The following DYNC1I1 variants were observed in gnomAD, a reference collection of about 807,000 sequenced individuals.
The protein encoded by DYNC1I1 is cytoplasmic dynein 1 intermediate chain 1.
DYNC1I1 carries 43 observed loss-of-function variants against 86.6 expected under a neutral mutation model. The observed-to-expected ratio is 0.50, with a 90% CI of 0.39 to 0.64. The LOEUF is 0.64. Ranked by LOEUF, DYNC1I1 falls within the 30% of genes least tolerant of loss-of-function variation. The pLI is 0.00. For missense variants in DYNC1I1, 604 were observed against 788.8 expected (o/e 0.77, Z 2.81); for synonymous variants, 262 against 283.7 (o/e 0.92, Z 0.77).
intron 6 of DYNC1I1, among the ~76,000 whole-genome samples, chr7:95,931,552 T>C (rs187909493): frequency 9.8e-5 from 15 of 152,350 alleles, no homozygotes; most frequent in African/African-American, 3.6e-4. Context: ...TAGATATTCC[T>C]TTCATCAGAC....
chr7:95,870,033 C>A (rs777564616), intron 6 of DYNC1I1, 35 bp downstream of exon 6: 2 of 1,560,982 alleles, frequency 1.3e-6, no homozygotes, highest in East Asian at 2.3e-5. Context: ...TCCATATTAT[C>A]TCTGGAGAAA....
At chr7:96,021,326 C>G (rs887289839) in intron 10 of DYNC1I1, among the ~76,000 whole-genome samples, 3 of 152,056 alleles carry the variant, frequency 2.0e-5, no homozygotes, top group African/African-American at 7.2e-5. Flanking sequence ...TGCCAATCCT[C>G]CCTTTCTACC....
At chr7:96,011,818 G>T (rs906342778) in intron 10 of DYNC1I1, among the ~76,000 whole-genome samples, 9 of 152,046 alleles carry the variant, frequency 5.9e-5, no homozygotes, top group Non-Finnish European at 1.2e-4. Context: ...ATGATACATT[G>T]GTATAACTGG....
chr7:96,004,646 G>GCA (rs34562315), intron 10 of DYNC1I1, among the ~76,000 whole-genome samples: 18,906 of 146,072 alleles, frequency 0.13, 1,253 homozygotes, highest in Middle Eastern at 0.19. Context: ...ATAAATGCAT[G>GCA]CACACACACA....
chr7:95,900,591 T>C (rs1242132184), intron 6 of DYNC1I1, among the ~76,000 whole-genome samples: 1 of 152,152 alleles, frequency 6.6e-6, no homozygotes, highest in South Asian at 2.1e-4. Flanking sequence ...GGTTGCCCCA[T>C]GGAAGTTATC....
intron 6 of DYNC1I1, among the ~76,000 whole-genome samples, chr7:95,906,759 T>C (rs1323505627): frequency 1.3e-5 from 2 of 152,134 alleles, no homozygotes; most frequent in Non-Finnish European, 2.9e-5. Context: ...GAAAGCCCCA[T>C]TATCAAGCAA....
At chr7:96,040,640 A>G (rs1185236201) in intron 14 of DYNC1I1, among the ~76,000 whole-genome samples, 3 of 152,056 alleles carry the variant, frequency 2.0e-5, no homozygotes, top group African/African-American at 7.2e-5. Context: ...GCAGTTTGAT[A>G]TGTGAGTCAG....
At chr7:95,953,794 T>C (rs1792624721) in intron 6 of DYNC1I1, among the ~76,000 whole-genome samples, 1 of 152,180 alleles carries the variant, frequency 6.6e-6, no homozygotes, top group South Asian at 2.1e-4. Context: ...AAGGCAAAGT[T>C]TGTGAAAAGC....
At chr7:96,084,888 A>G (rs556306304) in intron 16 of DYNC1I1, among the ~76,000 whole-genome samples, 1 of 152,270 alleles carries the variant, frequency 6.6e-6, no homozygotes, top group African/African-American at 2.4e-5. Flanking sequence ...AAAATATATT[A>G]ATAATATAAT....
At chr7:95,822,833 T>A (rs1261600794) in intron 4 of DYNC1I1, among the ~76,000 whole-genome samples, 2 of 152,176 alleles carry the variant, frequency 1.3e-5, no homozygotes, top group Non-Finnish European at 2.9e-5. Flanking sequence ...CTGACATAGT[T>A]AAAGAAAGAT....
At chr7:95,892,488 T>C (rs767097530) in intron 6 of DYNC1I1, among the ~76,000 whole-genome samples, 11 of 152,194 alleles carry the variant, frequency 7.2e-5, no homozygotes, top group Non-Finnish European at 1.3e-4. Flanking sequence ...TTTTTTTGTA[T>C]TTTTAGTAGA....
intron 10 of DYNC1I1, among the ~76,000 whole-genome samples, chr7:96,024,663 T>A (rs1794633990): frequency 6.6e-6 from 1 of 152,180 alleles, no homozygotes; most frequent in Non-Finnish European, 1.5e-5. Context: ...TAATGAAATT[T>A]TTTAAAATAA....
chr7:95,935,071 C>T (rs1792003678), intron 6 of DYNC1I1, among the ~76,000 whole-genome samples: 1 of 151,910 alleles, frequency 6.6e-6, no homozygotes, highest in Non-Finnish European at 1.5e-5. Context: ...TATAGCAGAT[C>T]TCTAGAGCTT....
chr7:95,909,328 A>C (rs947211843), intron 6 of DYNC1I1, among the ~76,000 whole-genome samples: 40 of 151,780 alleles, frequency 2.6e-4, no homozygotes, highest in African/African-American at 9.4e-4. Flanking sequence ...TCCTAACCAC[A>C]TCTTTGGCTG....
intron 5 of DYNC1I1, among the ~76,000 whole-genome samples, chr7:95,829,848 A>G (rs943573396): frequency 6.6e-6 from 1 of 151,986 alleles, no homozygotes; most frequent in East Asian, 1.9e-4. Context: ...TATACCCCAA[A>G]CTAGGCATTT....
At chr7:95,773,289 G>A (rs1160340085) in intron 1 of DYNC1I1, among the ~76,000 whole-genome samples, 2 of 152,216 alleles carry the variant, frequency 1.3e-5, no homozygotes, top group Non-Finnish European at 2.9e-5. Context: ...TTCCAGCAGG[G>A]CATTAATTAA....
At chr7:96,086,350 T>C (rs1790679407) in intron 16 of DYNC1I1, among the ~76,000 whole-genome samples, 1 of 152,242 alleles carries the variant, frequency 6.6e-6, no homozygotes, top group Admixed American at 6.5e-5. Context: ...TCAGTTGTGA[T>C]AAATTCACAC....
intron 1 of DYNC1I1, among the ~76,000 whole-genome samples, chr7:95,785,789 A>ATATATATATG (rs1794124161): frequency 1.3e-5 from 1 of 78,616 alleles, no homozygotes; most frequent in Admixed American, 1.2e-4. Context: ...ATATATATAT[A>ATATATATATG]TATATATATA....
chr7:95,858,895 T>C (rs1460547425), intron 5 of DYNC1I1, among the ~76,000 whole-genome samples: 1 of 147,348 alleles, frequency 6.8e-6, no homozygotes, highest in East Asian at 2.0e-4. Flanking sequence ...TACATTGTTT[T>C]TATATTTATT....
Sources: allele counts gnomAD v4.1 joint callset (sites outside exome capture counted in the v4.1 genomes callset), GRCh38; gene constraint gnomAD v4.1.1; transcripts MANE v1.5; gene names NCBI Gene and HGNC (gene_info 2026-07-23, HGNC 2026-07-21).